The following RBL2 variants were observed in gnomAD, a reference collection of about 807,000 sequenced individuals.
The protein encoded by RBL2 is RB transcriptional corepressor like 2.
In RBL2, 56 loss-of-function variants were observed where a neutral mutation model predicts 126.0. The ratio of observed to expected loss-of-function variants is 0.44; its 90% CI spans 0.36 to 0.56. RBL2 has a LOEUF of 0.56. Among genes scored for constraint, RBL2 ranks in the 20% least tolerant of loss-of-function variants. The pLI is 0.00. For synonymous variants in RBL2, 454 were observed against 478.5 expected, an observed-to-expected ratio of 0.95 and a Z score of 0.67; for missense variants, 1,229 against 1,398.2, an observed-to-expected ratio of 0.88 and a Z score of 1.93.
chr16:53,484,543 A>G (rs1055673125), intron 21 of RBL2, among the ~76,000 whole-genome samples: 6 of 152,222 alleles, frequency 3.9e-5, no homozygotes, highest in Non-Finnish European at 8.8e-5. Flanking sequence ...TACAATATGA[A>G]TGGACCTTGA....
At chr16:53,454,910 G>T in intron 8 of RBL2, 68 bp downstream of exon 8, 2 of 1,346,754 alleles carry the variant, frequency 1.5e-6, no homozygotes, top group Admixed American at 3.0e-5. Flanking sequence ...TTTTTATTTT[G>T]GTAATTTCAT....
intron 14 of RBL2, among the ~76,000 whole-genome samples, chr16:53,468,593 T>C (rs990133904): frequency 6.6e-6 from 1 of 152,208 alleles, no homozygotes; most frequent in African/African-American, 2.4e-5. Context: ...TCTCTTGATA[T>C]TTTATAAGAA....
At position 53,439,118 on chromosome 16, in the gene RBL2, A is replaced by G. The variant is rs1598085405; in HGVS notation, c.343A>G (p.Thr115Ala). Residue 115 changes from threonine (T) to alanine (A), a missense_variant, in exon 2 of 22, where the codon ACT becomes GCT. Thr to Ala is a moderately conservative substitution (Grantham distance 58). Transcript: ENST00000262133. ...GTVEGNYVSL[T>A]RILKCSEQSL... ...AGTGGAAGGAAACTATGTATCTTTA[A>G]CTAGAATCCTGAAATGTTCAGAGCA... The G allele has an allele frequency of 6.2e-7, 1 of 1,605,942 alleles. No individual in the cohort carries two copies. The highest frequency in any genetic ancestry group is 8.5e-7 in the Non-Finnish European group (1 of 1,176,548).
chr16:53,443,178 AGAC>A (rs1184178950), intron 3 of RBL2: 1 of 162,818 alleles, frequency 6.1e-6, no homozygotes, highest in Non-Finnish European at 1.3e-5. Flanking sequence ...CAAAAAATGC[AGAC>A]TGTACAAGTC....
intron 17 of RBL2, among the ~76,000 whole-genome samples, chr16:53,477,282 TAAGTATGTATTTAA>T (rs1202525712): frequency 6.6e-6 from 1 of 152,230 alleles, no homozygotes; most frequent in Non-Finnish European, 1.5e-5. Context: ...GAAAGGAGTG[TAAGTATGTATTTAA>T]AACTTTTGCT....
rs145864347 is a variant in RBL2, at chr16:53,456,284, C to G, written c.1179+1442C>G. Among the ~76,000 whole-genome samples, 727 of 152,226 alleles carry G rather than the reference C, an allele frequency of 4.8e-3. 2 individuals are homozygous for G. The highest frequency in any genetic ancestry group is 0.017 in the African/African-American group (704 of 41,544). ...CATCGTAAGGACTTTTGCTTCTGCTCTGATTGAGGTGAAAGCCATTAAGAG... is the reference window on the plus strand; with the variant it reads ...CATCGTAAGGACTTTTGCTTCTGCTGTGATTGAGGTGAAAGCCATTAAGAG... On this transcript the variant is annotated intron_variant, in intron 8 of 21. Transcript: ENST00000262133.
At chr16:53,479,070 TACTGGGC>T in intron 17 of RBL2, 77 bp from the exon 18 acceptor site, 1 of 1,089,730 alleles carries the variant, frequency 9.2e-7, no homozygotes, top group Non-Finnish European at 1.4e-6. Context: ...TCACCCCTTT[TACTGGGC>T]AGCAGGTTCA....
At chr16:53,444,001 C>T (rs935765926) in intron 3 of RBL2, among the ~76,000 whole-genome samples, 5 of 152,210 alleles carry the variant, frequency 3.3e-5, no homozygotes, top group African/African-American at 1.2e-4. Context: ...GTAATCCCAG[C>T]ACTTTAGGAG....
chr16:53,466,576 C>G (rs912873262), intron 13 of RBL2, among the ~76,000 whole-genome samples: 1 of 151,844 alleles, frequency 6.6e-6, no homozygotes, highest in African/African-American at 2.4e-5. Flanking sequence ...GAGCATGCAA[C>G]CTAGATCCCT....
chr16:53,465,195 G>T (rs946750628), intron 12 of RBL2, among the ~76,000 whole-genome samples: 1 of 152,110 alleles, frequency 6.6e-6, no homozygotes, highest in Non-Finnish European at 1.5e-5. Flanking sequence ...GAAATTTTAA[G>T]AGTAATGTTT....
chr16:53,463,106 G>A (rs1310109168), intron 11 of RBL2, among the ~76,000 whole-genome samples: 1 of 152,168 alleles, frequency 6.6e-6, no homozygotes, highest in Non-Finnish European at 1.5e-5. Flanking sequence ...CTCCCAAAGT[G>A]CTAGGATTAC....
Position 53,470,323 on chromosome 16 carries a change from T to A in RBL2, c.2246-60T>A, listed in dbSNP as rs1292316455. On this transcript the variant is annotated intron_variant, in intron 15 of 21. Coordinates refer to ENST00000262133, the MANE Select transcript of RBL2 (RefSeq NM_005611.4). ...TTTGGGAGAGCAGAAATTGTAAACCTCTGCCCGGAGAACCTCTTATTATCA... is the reference window on the plus strand; with the variant it reads ...TTTGGGAGAGCAGAAATTGTAAACCACTGCCCGGAGAACCTCTTATTATCA... The A allele has an allele frequency of 3.2e-6, 5 of 1,579,888 alleles. No homozygotes were observed. The East Asian group carries it at 1.1e-4, about 36-fold the overall frequency.
At chr16:53,479,353 T>G in intron 18 of RBL2, 128 bp downstream of exon 18, 1 of 729,252 alleles carries the variant, frequency 1.4e-6, no homozygotes. Context: ...TTAAGGGAAG[T>G]TTCTACTTTA....
chr16:53,434,869 C>T (rs2153136601), intron 1 of RBL2, 73 bp downstream of exon 1: 1 of 1,401,156 alleles, frequency 7.1e-7, no homozygotes, highest in Non-Finnish European at 9.3e-7. Context: ...GCGTCGCGCG[C>T]CTCGAGAGAC....
intron 3 of RBL2, among the ~76,000 whole-genome samples, chr16:53,445,142 T>A (rs2058049922): frequency 6.6e-6 from 1 of 151,996 alleles, no homozygotes; most frequent in African/African-American, 2.4e-5. Context: ...GCCTGGACAG[T>A]ATGGCGAAAC....
intron 14 of RBL2, among the ~76,000 whole-genome samples, chr16:53,469,557 A>G (rs1377696862): frequency 6.6e-6 from 1 of 152,174 alleles, no homozygotes; most frequent in Non-Finnish European, 1.5e-5. Flanking sequence ...GATAGAAAAT[A>G]TTATAGAAAA....
At chr16:53,487,161 T>C (rs1961209450) in intron 21 of RBL2, among the ~76,000 whole-genome samples, 1 of 152,224 alleles carries the variant, frequency 6.6e-6, no homozygotes, top group South Asian at 2.1e-4. Context: ...CAAACCAATT[T>C]CAGTCAAAAT....
intron 12 of RBL2, 66 bp downstream of exon 12, chr16:53,464,429 T>C: frequency 7.5e-7 from 1 of 1,337,754 alleles, no homozygotes; most frequent in South Asian, 1.4e-5. Flanking sequence ...TTGTTAGTCA[T>C]TTAGTTCAAG....
intron 8 of RBL2, among the ~76,000 whole-genome samples, chr16:53,458,102 A>G (rs1434266312): frequency 1.3e-5 from 2 of 152,224 alleles, no homozygotes; most frequent in Non-Finnish European, 2.9e-5. Context: ...AAACAAAGTG[A>G]AAGTCTTAGT....
Sources: gnomAD v4.1 joint callset for allele counts (sites outside exome capture counted in the v4.1 genomes callset) on GRCh38, gnomAD v4.1.1 for gene constraint, MANE v1.5 for transcripts, NCBI Gene and HGNC (gene_info 2026-07-23, HGNC 2026-07-21) for gene names.